The following PIGV variants were observed in gnomAD, a reference collection of about 807,000 sequenced individuals.
PIGV encodes phosphatidylinositol glycan anchor biosynthesis class V.
PIGV carries 27 observed loss-of-function variants against 39.2 expected under a neutral mutation model. That is an observed-to-expected ratio of 0.69 (90% CI 0.51 to 0.95). The LOEUF (loss-of-function observed/expected upper bound fraction) is 0.95. Ranked by LOEUF, PIGV falls within the 40% of genes least tolerant of loss-of-function variation. PIGV has a pLI of 0.00. For synonymous variants in PIGV, 232 were observed against 241.7 expected (o/e 0.96, Z 0.37); for missense variants, 523 against 586.4 (o/e 0.89, Z 1.12).
rs2081350228 is a variant in PIGV, at chr1:26,794,299, C to T, written c.265C>T (p.Pro89Ser). The change falls in exon 3 of 4, where the codon CCT becomes TCT. Residue 89 changes from proline to serine, a missense_variant. Transcript: ENST00000674202. ...GTATGAGCACAACTTTGCCTTCTTTCCTGGTTTCCCCTTGGCCCTGCTGGT... is the reference window on the plus strand; with the variant it reads ...GTATGAGCACAACTTTGCCTTCTTTTCTGGTTTCCCCTTGGCCCTGCTGGT... ...YLYEHNFAFF[P>S]GFPLALLVGT... 6.2e-7 allele frequency: 1 copy of T among 1,614,224 alleles called. No individual in the cohort carries two copies. The highest frequency in any genetic ancestry group is 8.5e-7 in the Non-Finnish European group (1 of 1,180,048).
At chr1:26,788,504 AAGCATACCT>A (rs1005200368) in intron 1 of PIGV, 31 of 152,346 alleles carry the variant, frequency 2.0e-4, no homozygotes, top group African/African-American at 7.5e-4. Flanking sequence ...CAACTACCCT[AAGCATACCT>A]AGCAAGGGCA....
rs1176057741 is a variant in PIGV, at chr1:26,795,108, G to A, written c.1074G>A (p.Leu358=). 7 of 1,614,154 alleles carry A rather than the reference G, an allele frequency of 4.3e-6. No homozygotes were observed. The highest frequency in any genetic ancestry group is 5.9e-6 in the Non-Finnish European group (7 of 1,180,006). The change falls in exon 3 of 4, where the codon CTG becomes CTA. Residue 358 remains leucine (L), a synonymous_variant. Transcript: ENST00000674202. ...THPWLCLTLG[L]QRSKNNKTLE... is the part of the protein sequence containing the mutation. ...CTTGGCTCTGCCTTACACTTGGGCT[G>A]CAAAGGAGCAAGAACAATAAGACCC...
upstream of PIGV, chr1:26,787,538 A>T (rs543395598): frequency 6.6e-6 from 1 of 152,388 alleles, no homozygotes; most frequent in Non-Finnish European, 1.5e-5. Flanking sequence ...TTGGCTATTC[A>T]GAGGACATCT....
rs1289360702 is a variant in PIGV, at chr1:26,795,067, T to TA, written c.1034dup (p.Tyr345Ter). 1.2e-6 allele frequency: 2 copies of TA among 1,614,114 alleles called. No individual in the cohort carries two copies. The highest frequency in any genetic ancestry group is 1.7e-6 in the Non-Finnish European group (2 of 1,180,044). The change falls in exon 3 of 4, where the codon TAC becomes TAAC. Residue 345 changes from tyrosine (Y) to a stop codon, truncating the protein, a stop_gained and frameshift_variant. Coordinates refer to ENST00000674202, the MANE Select transcript of PIGV (RefSeq NM_017837.4). LOFTEE classifies it high-confidence loss of function. ...AILVAWATWTYVTTHPWLCLT... is the reference protein window; with the variant it reads ...AILVAWATWT ...ACTGGTTGCCTGGGCAACTTGGACA[T>TA]ACGTGACCACTCACCCTTGGCTCTG...
chr1:26,787,274 T>TC (rs1252403449), upstream of PIGV, among the ~76,000 whole-genome samples: 1 of 152,144 alleles, frequency 6.6e-6, no homozygotes, highest in Non-Finnish European at 1.5e-5. Flanking sequence ...CCTCTTTTTT[T>TC]TTCTTCTTTT....
chr1:26,791,248 C>T (rs1467079867), intron 2 of PIGV, among the ~76,000 whole-genome samples: 1 of 152,176 alleles, frequency 6.6e-6, no homozygotes, highest in Non-Finnish European at 1.5e-5. Context: ...GGTGGGACAG[C>T]TCAAAGTATT....
chr1:26,797,232 C>T (rs747626465), intron 3 of PIGV, among the ~76,000 whole-genome samples: 1 of 152,180 alleles, frequency 6.6e-6, no homozygotes, highest in East Asian at 1.9e-4. Context: ...GGTTCCCAAT[C>T]CCCAAATCAA....
intron 1 of PIGV, among the ~76,000 whole-genome samples, chr1:26,789,747 A>T (rs1293426684): frequency 2.6e-5 from 4 of 152,208 alleles, no homozygotes; most frequent in Non-Finnish European, 4.4e-5. Context: ...TATTCGCCAG[A>T]TAAGAGAAGA....
At chr1:26,794,004 C>A in intron 2 of PIGV, 109 bp from the exon 3 acceptor site, 1 of 1,054,922 alleles carries the variant, frequency 9.5e-7, no homozygotes, top group Non-Finnish European at 1.4e-6. Flanking sequence ...CTCAGCCTGC[C>A]AAAGTGGGGA....
At chr1:26,788,364 C>T (rs1340166454) in intron 1 of PIGV, 96 bp downstream of exon 1, 4 of 152,310 alleles carry the variant, frequency 2.6e-5, no homozygotes, top group South Asian at 2.1e-4. Flanking sequence ...GAAGGCAGCC[C>T]CCACGAGGCC....
intron 1 of PIGV, chr1:26,788,750 G>A (rs1248748575): frequency 6.6e-6 from 1 of 152,228 alleles, no homozygotes; most frequent in East Asian, 1.9e-4. Flanking sequence ...TAGCCTCACA[G>A]TGTCTGATGA....
chr1:26,796,278 C>T (rs1440337926), intron 3 of PIGV, among the ~76,000 whole-genome samples: 1 of 150,778 alleles, frequency 6.6e-6, no homozygotes, highest in Non-Finnish European at 1.5e-5. Flanking sequence ...ACGCCATTCT[C>T]CTGCCTCAGC....
chr1:26,789,780 C>T (rs1038934383), intron 1 of PIGV, among the ~76,000 whole-genome samples: 3 of 152,150 alleles, frequency 2.0e-5, no homozygotes, highest in Non-Finnish European at 4.4e-5. Context: ...CAGCCGTCCT[C>T]CTTAAATTTC....
chr1:26,795,692 A>T (rs1442134788), intron 3 of PIGV, among the ~76,000 whole-genome samples: 1 of 133,888 alleles, frequency 7.5e-6, no homozygotes, highest in Non-Finnish European at 1.6e-5. Flanking sequence ...CCTGGGCGAC[A>T]GAGTGAGACT....
rs2081288886 is a variant in PIGV at position 26,789,895 on chromosome 1, T to A, written c.-57-864T>A. On this transcript the variant is annotated intron_variant, in intron 1 of 3. Transcript: ENST00000674202. ...CTTTCAAATTTCCCAGGCTGGTGTT[T>A]GAAAGTTCTTGAGGAGCCTTTATGA... is the stretch of plus-strand genomic sequence containing the variant. 2.6e-5 allele frequency among the ~76,000 whole-genome samples: 4 copies of A among 152,222 alleles called. No individual in the cohort carries two copies. In the South Asian group the frequency reaches 8.3e-4, roughly 32 times the overall value.
chr1:26,795,144 C>G lies in PIGV; in HGVS notation c.1110C>G (p.Pro370=). 2 of 1,614,080 alleles carry G rather than the reference C, an allele frequency of 1.2e-6. No individual in the cohort carries two copies. Among genetic ancestry groups the G allele is most frequent in the Non-Finnish European group, 1.7e-6 (2 of 1,179,998 alleles). ...RSKNNKTLEK[P]DLGFLSPQVF... Reference sequence around the variant, plus strand: ...AGAACAATAAGACCCTAGAGAAGCCCGATCTTGGATTCCTCAGTCCTCAGG... The same window carrying G: ...AGAACAATAAGACCCTAGAGAAGCCGGATCTTGGATTCCTCAGTCCTCAGG... The change falls in exon 3 of 4, where the codon CCC becomes CCG. Residue 370 remains proline (P), a synonymous_variant. Coordinates refer to ENST00000674202, the MANE Select transcript of PIGV (RefSeq NM_017837.4).
intron 2 of PIGV, among the ~76,000 whole-genome samples, chr1:26,792,217 A>C (rs545668339): frequency 7.2e-5 from 11 of 151,902 alleles, no homozygotes; most frequent in Non-Finnish European, 1.3e-4. Flanking sequence ...CAAAGGCGCG[A>C]TCTTGGCTCA....
intron 1 of PIGV, 76 bp from the exon 2 acceptor site, chr1:26,790,683 G>A (rs1290898553): frequency 4.2e-6 from 3 of 708,066 alleles, no homozygotes; most frequent in Non-Finnish European, 7.6e-6. Context: ...ATTCTGAGAG[G>A]GGAGGTTCCA....
intron 2 of PIGV, among the ~76,000 whole-genome samples, chr1:26,791,968 G>A (rs576477993): frequency 1.2e-4 from 19 of 152,306 alleles, no homozygotes; most frequent in Middle Eastern, 3.4e-3. Context: ...TCCAGGATAG[G>A]GAACCAGGAC....
Sources: allele counts gnomAD v4.1 joint callset (sites outside exome capture counted in the v4.1 genomes callset), GRCh38; gene constraint gnomAD v4.1.1; transcripts MANE v1.5; gene names NCBI Gene and HGNC (gene_info 2026-07-23, HGNC 2026-07-21).